Variants in AHR observed in about 807,000 individuals in gnomAD.
AHR encodes AH-receptor.
In AHR, 40 loss-of-function variants were observed where a neutral mutation model predicts 86.8. That is an observed-to-expected ratio of 0.46 (90% CI 0.36 to 0.60). The LOEUF (loss-of-function observed/expected upper bound fraction) is 0.60, where lower values mean the gene tolerates loss of function less well. Among genes scored for constraint, AHR ranks in the 20% least tolerant of loss-of-function variants. The pLI, the probability that AHR is intolerant of heterozygous loss-of-function variation, is 0.00. For missense variants in AHR, 1,001 were observed against 1,011.6 expected (o/e 0.99, Z 0.14); for synonymous variants, 398 against 354.9 (o/e 1.12, Z -1.37).
chr7:17,316,574 G>A (rs1333002752), intron 2 of AHR, among the ~76,000 whole-genome samples: 1 of 152,164 alleles, frequency 6.6e-6, no homozygotes, highest in East Asian at 1.9e-4. Context: ...CCATGATCGT[G>A]CCACTGAACT....
chr7:17,310,058 A>G lies in AHR; in HGVS notation c.188A>G (p.Lys63Arg). Residue 63 changes from lysine (K) to arginine (R), a missense_variant, in exon 2 of 11, where the codon AAG (lysine) becomes AGG (arginine). Physicochemically the swap from Lys to Arg is conservative, Grantham distance 26. Coordinates refer to ENST00000242057, the MANE Select transcript of AHR (RefSeq NM_001621.5). ...LLPFPQDVIN[K>R]LDKLSVLRLS... ...CCTTTCCCACAAGATGTTATTAATAAGTTGGACAAACTTTCAGTTCTTAGG... is the reference window on the plus strand; with the variant it reads ...CCTTTCCCACAAGATGTTATTAATAGGTTGGACAAACTTTCAGTTCTTAGG... 2 of 1,614,058 alleles carry G rather than the reference A, an allele frequency of 1.2e-6. No individual in the cohort carries two copies. Among genetic ancestry groups the G allele is most frequent in the South Asian group, 1.1e-5 (1 of 91,080 alleles).
chr7:17,336,256 C>T (rs1782353817), intron 9 of AHR, among the ~76,000 whole-genome samples: 3 of 151,964 alleles, frequency 2.0e-5, no homozygotes, highest in Admixed American at 1.3e-4. Flanking sequence ...AGCCATTATA[C>T]GTATACCCAA....
intron 6 of AHR, among the ~76,000 whole-genome samples, chr7:17,332,768 G>A (rs1562480686): frequency 6.6e-6 from 1 of 151,722 alleles, no homozygotes; most frequent in Non-Finnish European, 1.5e-5. Context: ...TGGCCAAAAG[G>A]AAAATATTTT....
At chr7:17,322,663 A>C (rs1782186830) in intron 3 of AHR, 56 bp downstream of exon 3, 2 of 1,156,452 alleles carry the variant, frequency 1.7e-6, no homozygotes, top group Non-Finnish European at 2.5e-6. Flanking sequence ...ATGGAAAATG[A>C]ATTAATAAGT....
chr7:17,319,392 T>C (rs560496563), intron 2 of AHR, among the ~76,000 whole-genome samples: 1 of 152,202 alleles, frequency 6.6e-6, no homozygotes, highest in South Asian at 2.1e-4. Flanking sequence ...TGGCTAATAA[T>C]AGCTCACACA....
intron 2 of AHR, among the ~76,000 whole-genome samples, chr7:17,316,716 C>T (rs1198182720): frequency 1.3e-5 from 2 of 152,124 alleles, no homozygotes; most frequent in African/African-American, 4.8e-5. Context: ...GAAATTTTCT[C>T]ATACAATTGT....
intron 1 of AHR, among the ~76,000 whole-genome samples, chr7:17,309,544 G>T (rs1218389076): frequency 2.0e-5 from 3 of 152,200 alleles, no homozygotes; most frequent in Non-Finnish European, 4.4e-5. Context: ...TCCTGTGGAA[G>T]ATAGCAAAGG....
intron 10 of AHR, among the ~76,000 whole-genome samples, chr7:17,341,440 G>A (rs1256783490): frequency 1.3e-5 from 2 of 152,142 alleles, no homozygotes; most frequent in Non-Finnish European, 2.9e-5. Flanking sequence ...GGAGTTGCAT[G>A]AGTACCACAT....
intron 1 of AHR, among the ~76,000 whole-genome samples, chr7:17,306,084 C>T (rs1271705214): frequency 6.6e-6 from 1 of 152,146 alleles, no homozygotes; most frequent in Non-Finnish European, 1.5e-5. Flanking sequence ...CGGTCTATTT[C>T]AGGAGATGTT....
At chr7:17,318,168 T>C (rs1562477180) in intron 2 of AHR, among the ~76,000 whole-genome samples, 1 of 152,154 alleles carries the variant, frequency 6.6e-6, no homozygotes, top group Non-Finnish European at 1.5e-5. Context: ...ATGCAAACTA[T>C]AGTAACAAAA....
intron 6 of AHR, among the ~76,000 whole-genome samples, chr7:17,332,663 A>G (rs1308237537): frequency 6.6e-6 from 1 of 152,060 alleles, no homozygotes; most frequent in Non-Finnish European, 1.5e-5. Context: ...TTTAAGTGTT[A>G]TTACAGAAGA....
intron 10 of AHR, among the ~76,000 whole-genome samples, chr7:17,341,670 C>G (rs1782425413): frequency 6.6e-6 from 1 of 151,834 alleles, no homozygotes; most frequent in Admixed American, 6.6e-5. Flanking sequence ...GAAGACTTGG[C>G]TTGAAAAAAG....
intron 1 of AHR, among the ~76,000 whole-genome samples, chr7:17,302,666 T>C (rs1781965944): frequency 6.6e-6 from 1 of 151,826 alleles, no homozygotes. Context: ...AGGAAACAGG[T>C]ATAAATTGAA....
chr7:17,342,432 A>C (rs1782436112), intron 10 of AHR, among the ~76,000 whole-genome samples: 1 of 152,164 alleles, frequency 6.6e-6, no homozygotes, highest in Non-Finnish European at 1.5e-5. Flanking sequence ...CCTGTGGTGT[A>C]ATATTTTAGG....
intron 2 of AHR, among the ~76,000 whole-genome samples, chr7:17,317,898 T>TAA (rs1437254744): frequency 2.0e-5 from 3 of 151,896 alleles, no homozygotes; most frequent in Non-Finnish European, 4.4e-5. Flanking sequence ...CTGCTCTTGT[T>TAA]CCATTAATGC....
At chr7:17,308,937 G>A (rs920732597) in intron 1 of AHR, among the ~76,000 whole-genome samples, 2 of 152,124 alleles carry the variant, frequency 1.3e-5, no homozygotes, top group Non-Finnish European at 2.9e-5. Context: ...AAATGTCTTT[G>A]TTGTAAGAAA....
At chr7:17,314,437 T>C (rs543615095) in intron 2 of AHR, among the ~76,000 whole-genome samples, 1 of 152,210 alleles carries the variant, frequency 6.6e-6, no homozygotes, top group African/African-American at 2.4e-5. Context: ...GACCCCATTG[T>C]TTATCATGGA....
At chr7:17,324,979 A>C (rs925979156) in intron 3 of AHR, among the ~76,000 whole-genome samples, 1 of 152,194 alleles carries the variant, frequency 6.6e-6, no homozygotes, top group African/African-American at 2.4e-5. Flanking sequence ...TATTGTTAAA[A>C]TCTTGCAGCT....
chr7:17,332,846 A>C (rs1394486885), intron 6 of AHR, among the ~76,000 whole-genome samples: 2 of 151,972 alleles, frequency 1.3e-5, no homozygotes, highest in African/African-American at 4.8e-5. Flanking sequence ...GTAATGTCTC[A>C]GGCCTTCACA....
Sources: allele counts gnomAD v4.1 joint callset (sites outside exome capture counted in the v4.1 genomes callset), GRCh38; gene constraint gnomAD v4.1.1; transcripts MANE v1.5; gene names NCBI Gene and HGNC (gene_info 2026-07-23, HGNC 2026-07-21).